SRSF11: variants seen among roughly 807,000 people sequenced by gnomAD.
SRSF11 encodes the protein serine and arginine rich splicing factor 11.
A neutral mutation model predicts 56.0 loss-of-function variants in SRSF11; 9 were observed. The ratio of observed to expected loss-of-function variants is 0.16; its 90% CI spans 0.10 to 0.28. The LOEUF (loss-of-function observed/expected upper bound fraction) is 0.28. SRSF11 is among the 10% of genes least tolerant of loss of function. The pLI, the probability that SRSF11 is intolerant of heterozygous loss-of-function variation, is 1.00. For missense variants in SRSF11, 421 were observed against 600.7 expected (o/e 0.70, Z 3.13); for synonymous variants, 222 against 215.3 (o/e 1.03, Z -0.27).
intron 5 of SRSF11, among the ~76,000 whole-genome samples, 178 bp downstream of exon 5, chr1:70,235,728 TTTTG>T (rs1380197681): frequency 1.3e-5 from 2 of 152,206 alleles, no homozygotes; most frequent in Non-Finnish European, 2.9e-5. Flanking sequence ...CTCTAAACTA[TTTTG>T]TTTCAGTGTC....
At chr1:70,218,303 T>A (rs1444127912), upstream of SRSF11, among the ~76,000 whole-genome samples, 1 of 152,248 alleles carries the variant, frequency 6.6e-6, no homozygotes, top group African/African-American at 2.4e-5. Context: ...CTTCTAACTT[T>A]AAATTCAGTA....
intron 1 of SRSF11, among the ~76,000 whole-genome samples, chr1:70,226,595 T>C (rs182443524): frequency 1.3e-4 from 20 of 152,350 alleles, no homozygotes; most frequent in African/African-American, 4.8e-4. Context: ...GAGGTCAGTT[T>C]TAAGAAGTGT....
Position 70,221,608 on chromosome 1 carries a change from A to C in SRSF11, c.-29A>C. ...CTGTTTGTTGTGTGTTTGATGTGTTAAAGCAGGAGCGAGAACCCGAGCAGC... is the reference window on the plus strand; with the variant it reads ...CTGTTTGTTGTGTGTTTGATGTGTTCAAGCAGGAGCGAGAACCCGAGCAGC... On this transcript the variant is annotated 5_prime_UTR_variant, in exon 1 of 12. It removes the in-frame stop codon of an upstream open reading frame in the 5' UTR. Coordinates refer to ENST00000370949, the MANE Select transcript of SRSF11 (RefSeq NM_001350605.2). 1 of 1,596,410 alleles carries C rather than the reference A, an allele frequency of 6.3e-7. No individual in the cohort carries two copies. Among genetic ancestry groups the C allele is most frequent in the Non-Finnish European group, 8.5e-7 (1 of 1,171,570 alleles).
At chr1:70,245,583 C>T (rs1676561794) in intron 8 of SRSF11, among the ~76,000 whole-genome samples, 1 of 152,160 alleles carries the variant, frequency 6.6e-6, no homozygotes. Context: ...AGGGGAGGAA[C>T]TGTTAAATGA....
In SRSF11 at chr1:70,238,453, A is replaced by G. The variant is rs535803636; in HGVS notation, c.718+901A>G. On this transcript the variant is annotated intron_variant, in intron 6 of 11. Coordinates refer to ENST00000370949, the MANE Select transcript of SRSF11 (RefSeq NM_001350605.2). ...CCTATTAATGAAATGACTTAAATGT[A>G]AAAGAAACTCAATCTCACTTTGATG... Among the ~76,000 whole-genome samples, 7 of 152,354 alleles carry G rather than the reference A, an allele frequency of 4.6e-5. 1 individual carries two copies. In the South Asian group the frequency reaches 1.4e-3, roughly 32 times the overall value.
At chr1:70,247,586 G>C (rs958288693) in intron 9 of SRSF11, among the ~76,000 whole-genome samples, 1 of 151,956 alleles carries the variant, frequency 6.6e-6, no homozygotes, top group Non-Finnish European at 1.5e-5. Flanking sequence ...CTAAATGTAA[G>C]AGCCAAAACT....
rs200085905 is a variant in SRSF11, at chr1:70,235,576, T to G, written c.590+26T>G. The G allele has an allele frequency of 1.4e-4, 223 of 1,602,676 alleles. 1 individual carries two copies. In the African/African-American group the frequency reaches 2.9e-3, roughly 21 times the overall value. On this transcript the variant is annotated intron_variant, in intron 5 of 11. Transcript: ENST00000370949. ...GTAAGCGTTTTTTCTTTGTTTTCAT[T>G]GGTGATGTGGTATCTGAATGTCTAC...
chr1:70,232,991 C>T (rs1673149200), intron 3 of SRSF11, among the ~76,000 whole-genome samples: 1 of 152,114 alleles, frequency 6.6e-6, no homozygotes, highest in African/African-American at 2.4e-5. Flanking sequence ...AGTGAATGAG[C>T]CTCAACTGGA....
upstream of SRSF11, among the ~76,000 whole-genome samples, chr1:70,219,374 A>G (rs1041332797): frequency 2.0e-5 from 3 of 152,222 alleles, no homozygotes; most frequent in Non-Finnish European, 4.4e-5. Context: ...GTTTGTATAT[A>G]ATCTGTGCAC....
At chr1:70,223,562 T>A (rs1671105174) in intron 1 of SRSF11, among the ~76,000 whole-genome samples, 1 of 152,172 alleles carries the variant, frequency 6.6e-6, no homozygotes, top group Non-Finnish European at 1.5e-5. Flanking sequence ...CTTCCCAGTA[T>A]TGGGAGAAAG....
chr1:70,236,857 G>T (rs951296811), intron 5 of SRSF11, among the ~76,000 whole-genome samples: 3 of 131,988 alleles, frequency 2.3e-5, no homozygotes, highest in African/African-American at 5.7e-5. Flanking sequence ...AGGCTGGAGT[G>T]CAGTGGCGCG....
intron 3 of SRSF11, among the ~76,000 whole-genome samples, chr1:70,233,221 TTTTG>T (rs574855037): frequency 4.9e-4 from 74 of 152,124 alleles, no homozygotes; most frequent in Non-Finnish European, 8.1e-4. Flanking sequence ...TTTTGTTTTT[TTTTG>T]TTTGTTTTTT....
At chr1:70,213,306 C>T (rs561825684) in intron 1 of SRSF11, among the ~76,000 whole-genome samples, 1 of 152,252 alleles carries the variant, frequency 6.6e-6, no homozygotes, top group South Asian at 2.1e-4. Context: ...GGAGTAGAAT[C>T]AGGGAATAGA....
chr1:70,252,259 A>G lies in SRSF11; in HGVS notation c.*1454A>G, dbSNP rs982120512. 2.6e-5 allele frequency: 4 copies of G among 152,160 alleles called. No individual in the cohort carries two copies. The highest frequency in any genetic ancestry group is 5.9e-5 in the Non-Finnish European group (4 of 67,998). The allele number at this position is 152,160 out of a possible 1,614,324, so 9.4% of individuals were successfully genotyped here. ...TGTGGGAATGGGGTTGGATAAAGCAATGAACTTTAGTATAAACAAATCCCA... is the reference window on the plus strand; with the variant it reads ...TGTGGGAATGGGGTTGGATAAAGCAGTGAACTTTAGTATAAACAAATCCCA... On this transcript the variant is annotated 3_prime_UTR_variant, in exon 12 of 12. Coordinates refer to ENST00000370949, the MANE Select transcript of SRSF11 (RefSeq NM_001350605.2).
At chr1:70,240,926 C>T (rs1031330021) in intron 7 of SRSF11, among the ~76,000 whole-genome samples, 97 of 152,264 alleles carry the variant, frequency 6.4e-4, no homozygotes, top group African/African-American at 2.2e-3. Flanking sequence ...GTGTGTGCCA[C>T]CATGCCTGGC....
At chr1:70,242,482 T>TTTTTTTTTTTTTTTTTTTG (rs56304869) in intron 7 of SRSF11, among the ~76,000 whole-genome samples, 1 of 151,178 alleles carries the variant, frequency 6.6e-6, no homozygotes, top group African/African-American at 2.4e-5. Context: ...CTTTTTTTTT[T>TTTTTTTTTTTTTTTTTTTG]ATGTAGAGAC....
At chr1:70,212,243 AT>A (rs1170421662) in intron 1 of SRSF11, among the ~76,000 whole-genome samples, 8 of 151,986 alleles carry the variant, frequency 5.3e-5, no homozygotes, top group African/African-American at 1.9e-4. Flanking sequence ...CTTTTAATTA[AT>A]TAATTAATTA....
At chr1:70,231,505 G>A in intron 2 of SRSF11, 2 of 1,062,704 alleles carry the variant, frequency 1.9e-6, no homozygotes, top group South Asian at 3.0e-5. Context: ...GCACTGTATG[G>A]CAGCATTTTT....
chr1:70,231,720 T>C, intron 2 of SRSF11: 1 of 1,213,084 alleles, frequency 8.2e-7, no homozygotes, highest in Non-Finnish European at 1.0e-6. Context: ...ATATTTCCTT[T>C]ACATACTTTC....
Sources: allele counts gnomAD v4.1 joint callset (sites outside exome capture counted in the v4.1 genomes callset), GRCh38; gene constraint gnomAD v4.1.1; transcripts MANE v1.5; gene names NCBI Gene and HGNC (gene_info 2026-07-23, HGNC 2026-07-21).